Variants in NCKAP5 observed in about 807,000 individuals in gnomAD.
NCKAP5 encodes nck-associated protein 5.
A neutral mutation model predicts 167.0 loss-of-function variants in NCKAP5; 92 were observed. The observed-to-expected ratio is 0.55, with a 90% CI of 0.47 to 0.66. The LOEUF is 0.66. Among genes scored for constraint, NCKAP5 ranks in the 30% least tolerant of loss-of-function variants. NCKAP5 has a pLI of 0.00. For missense variants in NCKAP5, 2,378 were observed against 2,315.0 expected, an observed-to-expected ratio of 1.03 and a Z score of -0.56; for synonymous variants, 891 against 877.4, an observed-to-expected ratio of 1.02 and a Z score of -0.27.
intron 4 of NCKAP5, among the ~76,000 whole-genome samples, chr2:133,227,394 T>C (rs956601149): frequency 2.6e-5 from 4 of 152,222 alleles, no homozygotes; most frequent in African/African-American, 9.6e-5. Flanking sequence ...AATATTGACT[T>C]AGTTCATATT....
At chr2:133,301,026 ACAATTG>A (rs1379136950) in intron 4 of NCKAP5, among the ~76,000 whole-genome samples, 1 of 91,654 alleles carries the variant, frequency 1.1e-5, no homozygotes, top group African/African-American at 5.1e-5. Flanking sequence ...ACTCCCATTC[ACAATTG>A]CTTCAAAGAG....
At chr2:132,712,946 G>A (rs1205652381) in intron 19 of NCKAP5, among the ~76,000 whole-genome samples, 1 of 152,146 alleles carries the variant, frequency 6.6e-6, no homozygotes, top group African/African-American at 2.4e-5. Flanking sequence ...CAGAAGACAA[G>A]TTAAGTGAAT....
intron 8 of NCKAP5, among the ~76,000 whole-genome samples, chr2:132,935,500 T>A (rs1306255756): frequency 6.6e-6 from 1 of 152,046 alleles, no homozygotes; most frequent in Non-Finnish European, 1.5e-5. Context: ...GGTATGGGAA[T>A]TGAGAGAGCC....
intron 16 of NCKAP5, among the ~76,000 whole-genome samples, chr2:132,749,069 G>A (rs975983619): frequency 2.6e-5 from 4 of 152,044 alleles, no homozygotes; most frequent in Admixed American, 2.6e-4. Context: ...ATGCCCAGCC[G>A]AAGTCGAGAC....
chr2:132,842,137 T>C (rs1481732235), intron 11 of NCKAP5, among the ~76,000 whole-genome samples: 3 of 152,178 alleles, frequency 2.0e-5, no homozygotes, highest in Non-Finnish European at 4.4e-5. Flanking sequence ...AGGTCTTTAA[T>C]TGTCTTTCCA....
intron 3 of NCKAP5, among the ~76,000 whole-genome samples, chr2:133,393,129 A>G (rs1189710029): frequency 6.6e-6 from 1 of 152,218 alleles, no homozygotes; most frequent in Non-Finnish European, 1.5e-5. Context: ...TTTGGATGTT[A>G]TACCAGAGAT....
intron 3 of NCKAP5, among the ~76,000 whole-genome samples, chr2:133,491,568 T>TA (rs1681446345): frequency 6.6e-6 from 1 of 152,222 alleles, no homozygotes; most frequent in African/African-American, 2.4e-5. Flanking sequence ...ACACCATCTC[T>TA]ATTCTTCTGA....
intron 5 of NCKAP5, among the ~76,000 whole-genome samples, chr2:133,148,668 G>A (rs1211120233): frequency 2.0e-5 from 3 of 152,108 alleles, no homozygotes; most frequent in African/African-American, 7.2e-5. Context: ...AGTTCCTGGT[G>A]AGGGCTCTCT....
At chr2:133,295,554 C>G (rs1416570339) in intron 4 of NCKAP5, among the ~76,000 whole-genome samples, 1 of 152,114 alleles carries the variant, frequency 6.6e-6, no homozygotes, top group Non-Finnish European at 1.5e-5. Flanking sequence ...TTGGAATATA[C>G]TCAGGAAAAT....
chr2:133,129,465 TG>T (rs1168846656), intron 6 of NCKAP5, among the ~76,000 whole-genome samples: 1 of 152,246 alleles, frequency 6.6e-6, no homozygotes, highest in Non-Finnish European at 1.5e-5. Context: ...ATGGTGTATA[TG>T]TGCCACATTT....
chr2:132,849,444 A>G (rs1483355712), intron 11 of NCKAP5, among the ~76,000 whole-genome samples: 1 of 152,208 alleles, frequency 6.6e-6, no homozygotes, highest in Admixed American at 6.5e-5. Context: ...CAACAAGTCA[A>G]TAATAGAAAA....
chr2:133,198,769 G>A (rs1374230803), intron 5 of NCKAP5, among the ~76,000 whole-genome samples: 1 of 152,122 alleles, frequency 6.6e-6, no homozygotes, highest in African/African-American at 2.4e-5. Flanking sequence ...GTAGTGTGAG[G>A]AAATTGACAA....
intron 4 of NCKAP5, among the ~76,000 whole-genome samples, chr2:133,296,911 A>G (rs1437782906): frequency 2.0e-5 from 3 of 152,220 alleles, no homozygotes; most frequent in African/African-American, 4.8e-5. Flanking sequence ...CAATTTGTAT[A>G]TTCCACCTGT....
chr2:133,227,417 CG>C (rs1490306248), intron 4 of NCKAP5, among the ~76,000 whole-genome samples: 1 of 152,150 alleles, frequency 6.6e-6, no homozygotes, highest in Non-Finnish European at 1.5e-5. Flanking sequence ...AGAGTGGAGA[CG>C]GTTTGCAAAC....
intron 8 of NCKAP5, among the ~76,000 whole-genome samples, chr2:132,939,097 G>A: frequency 6.6e-6 from 1 of 152,010 alleles, no homozygotes; most frequent in Non-Finnish European, 1.5e-5. Flanking sequence ...ATTTTTTACT[G>A]GCTTCCTCAT....
At chr2:133,487,932 A>T (rs1681057103) in intron 3 of NCKAP5, among the ~76,000 whole-genome samples, 1 of 152,206 alleles carries the variant, frequency 6.6e-6, no homozygotes, top group Non-Finnish European at 1.5e-5. Context: ...AACAGAAGCC[A>T]TTTAGCATGT....
intron 16 of NCKAP5, among the ~76,000 whole-genome samples, chr2:132,767,793 T>C (rs1047020446): frequency 7.2e-5 from 11 of 152,216 alleles, no homozygotes; most frequent in African/African-American, 1.7e-4. Flanking sequence ...CTCTGCATGA[T>C]ACATTAGCTG....
the NCKAP5 span, among the ~76,000 whole-genome samples, chr2:133,656,512 G>A: frequency 4.6e-5 from 7 of 152,152 alleles, no homozygotes; most frequent in Non-Finnish European, 1.0e-4. Context: ...TTCTAAGTGA[G>A]AAGAAAGAAG....
At chr2:132,769,783 T>C (rs560860871) in intron 16 of NCKAP5, among the ~76,000 whole-genome samples, 4 of 152,298 alleles carry the variant, frequency 2.6e-5, no homozygotes, top group African/African-American at 9.6e-5. Context: ...TTGCATAAGA[T>C]GTAGTCTATG....
Sources: gnomAD v4.1 joint callset for allele counts (sites outside exome capture counted in the v4.1 genomes callset) on GRCh38, gnomAD v4.1.1 for gene constraint, MANE v1.5 for transcripts, NCBI Gene and HGNC (gene_info 2026-07-23, HGNC 2026-07-21) for gene names.